XKR3: variants seen among roughly 807,000 people sequenced by gnomAD.
The protein encoded by XKR3 is XK related 3.
In XKR3, 27 loss-of-function variants were observed where a neutral mutation model predicts 40.3. That is an observed-to-expected ratio of 0.67 (90% CI 0.49 to 0.92). The LOEUF (loss-of-function observed/expected upper bound fraction) is 0.92, where lower values mean the gene tolerates loss of function less well. Among genes scored for constraint, XKR3 ranks in the 40% least tolerant of loss-of-function variants. The pLI, the probability that XKR3 is intolerant of heterozygous loss-of-function variation, is 0.00. For missense variants in XKR3, 472 were observed against 537.6 expected (o/e 0.88, Z 1.21); for synonymous variants, 193 against 195.4 (o/e 0.99, Z 0.10).
chr22:16,789,926 C>T (rs370246315), intron 3 of XKR3, among the ~76,000 whole-genome samples: 2,146 of 152,184 alleles, frequency 0.014, 26 homozygotes, highest in Middle Eastern at 0.031. Context: ...GAGCTACATG[C>T]AGAAAAACAA....
At chr22:16,805,632 C>A (rs1231773521) in intron 2 of XKR3, among the ~76,000 whole-genome samples, 2 of 152,102 alleles carry the variant, frequency 1.3e-5, no homozygotes, top group African/African-American at 4.8e-5. Context: ...CACAGCCAAA[C>A]AATTTTGCAA....
intron 3 of XKR3, among the ~76,000 whole-genome samples, chr22:16,787,769 T>C (rs1241395353): frequency 1.3e-5 from 2 of 151,812 alleles, no homozygotes; most frequent in Non-Finnish European, 2.9e-5. Flanking sequence ...AAAGACAGCA[T>C]ACAGAATTAA....
chr22:16,811,117 T>C (rs1196786244), intron 1 of XKR3, among the ~76,000 whole-genome samples: 1 of 145,042 alleles, frequency 6.9e-6, no homozygotes, highest in Non-Finnish European at 1.5e-5. Flanking sequence ...TTTCACTTTC[T>C]TCTTTTTTTT....
Position 16,817,989 on chromosome 22 carries a change from A to G in XKR3, c.-11+7302T>C, listed in dbSNP as rs866355471. On this transcript the variant is annotated intron_variant, in intron 1 of 3. Transcript: ENST00000684488. ...GCACTGCCAACTTTATTTTTTTTCC[A>G]AAGTGTATGGCAGGTATTTCATCTG... Among the ~76,000 whole-genome samples the G allele has an allele frequency of 1.6e-4, 24 of 152,188 alleles. No homozygotes were observed. In the Middle Eastern group the frequency reaches 0.01, roughly 65 times the overall value.
At chr22:16,804,630 C>T (rs1357929605) in intron 2 of XKR3, among the ~76,000 whole-genome samples, 1 of 152,020 alleles carries the variant, frequency 6.6e-6, no homozygotes, top group African/African-American at 2.4e-5. Flanking sequence ...TCAAAAGAAC[C>T]TTGGTCTCCA....
intron 1 of XKR3, among the ~76,000 whole-genome samples, chr22:16,821,220 G>GA (rs1001862681): frequency 2.8e-4 from 42 of 152,108 alleles, no homozygotes; most frequent in African/African-American, 9.6e-4. Flanking sequence ...GACCTTAACT[G>GA]AAAAAATGTA....
chr22:16,798,579 C>A (rs1204154242), intron 3 of XKR3, among the ~76,000 whole-genome samples: 1 of 152,150 alleles, frequency 6.6e-6, no homozygotes, highest in African/African-American at 2.4e-5. Context: ...ACTCAGGTGC[C>A]CATCAATGGT....
chr22:16,814,523 G>T (rs773836061), intron 1 of XKR3, among the ~76,000 whole-genome samples: 36 of 152,104 alleles, frequency 2.4e-4, no homozygotes, highest in Non-Finnish European at 3.2e-4. Flanking sequence ...AGCCACCTGG[G>T]ATTTGGTAGA....
At chr22:16,800,066 G>A in intron 2 of XKR3, 42 bp from the exon 3 acceptor site, 1 of 1,588,284 alleles carries the variant, frequency 6.3e-7, no homozygotes, top group Non-Finnish European at 8.6e-7. Flanking sequence ...ATTTATTGGT[G>A]ACAGACATCT....
At chr22:16,797,928 C>T (rs2060149420) in intron 3 of XKR3, among the ~76,000 whole-genome samples, 2 of 151,922 alleles carry the variant, frequency 1.3e-5, no homozygotes, top group Admixed American at 6.6e-5. Flanking sequence ...AATCCCAGCA[C>T]TTTGGGAGGC....
At chr22:16,823,030 C>T (rs1196943492) in intron 1 of XKR3, among the ~76,000 whole-genome samples, 1 of 152,050 alleles carries the variant, frequency 6.6e-6, no homozygotes, top group Non-Finnish European at 1.5e-5. Context: ...ACCACAGGTG[C>T]ATGCCACCAT....
At chr22:16,785,891 A>G (rs2060088360) in intron 3 of XKR3, among the ~76,000 whole-genome samples, 1 of 152,148 alleles carries the variant, frequency 6.6e-6, no homozygotes, top group African/African-American at 2.4e-5. Context: ...AACACTCTTC[A>G]TACACAATGA....
chr22:16,819,260 G>C (rs576710712), intron 1 of XKR3, among the ~76,000 whole-genome samples: 4 of 152,164 alleles, frequency 2.6e-5, no homozygotes, highest in Admixed American at 1.3e-4. Context: ...TCTCAAAAAG[G>C]ATTTTTTGAG....
At chr22:16,791,535 C>T (rs1213885004) in intron 3 of XKR3, among the ~76,000 whole-genome samples, 2 of 149,214 alleles carry the variant, frequency 1.3e-5, no homozygotes, top group Non-Finnish European at 2.9e-5. Flanking sequence ...ATTAATTGCT[C>T]TTACCAAAAT....
intron 3 of XKR3, among the ~76,000 whole-genome samples, chr22:16,787,048 T>C (rs114303878): frequency 0.043 from 6,474 of 151,636 alleles, 351 homozygotes; most frequent in African/African-American, 0.13. Flanking sequence ...AGCAAGGAGA[T>C]TGAAATAATG....
In XKR3 at chr22:16,821,938, T is replaced by G. The variant is rs551796708; in HGVS notation, c.-11+3353A>C. Among the ~76,000 whole-genome samples the G allele has an allele frequency of 1.3e-4, 20 of 152,200 alleles. No individual in the cohort carries two copies. In the East Asian group the frequency reaches 3.3e-3, roughly 25 times the overall value. On this transcript the variant is annotated intron_variant, in intron 1 of 3. Coordinates refer to ENST00000684488, the MANE Select transcript of XKR3 (RefSeq NM_001386955.1). ...GTTCTGGGCATTTATTTTTATTATT[T>G]TTTGCCACCTAATAAGAAATTTTAA...
chr22:16,784,182 A>G lies in XKR3; in HGVS notation c.817T>C (p.Phe273Leu). 1 of 1,614,230 alleles carries G rather than the reference A, an allele frequency of 6.2e-7. No individual in the cohort carries two copies. Among genetic ancestry groups the G allele is most frequent in the South Asian group, 1.1e-5 (1 of 91,080 alleles). The change falls in exon 4 of 4, where the codon TTT (phenylalanine) becomes CTT (leucine). Residue 273 changes from phenylalanine (F) to leucine (L), a missense_variant. Phe to Leu is a conservative substitution (Grantham distance 22). Transcript: ENST00000684488. Reference sequence around the variant, plus strand: ...AGCCACGGTGCCAACAATGATACAAAATATATGATTAACAAAACGGGTAGG... The same window carrying G: ...AGCCACGGTGCCAACAATGATACAAGATATATGATTAACAAAACGGGTAGG... ...KSLPVLLIIYFVSLLAPWLEF... is the reference protein window; with the variant it reads ...KSLPVLLIIYLVSLLAPWLEF...
rs1332171358 is a variant in XKR3 at position 16,815,111 on chromosome 22, T to C, written c.-10-7028A>G. On this transcript the variant is annotated intron_variant, in intron 1 of 3. Transcript: ENST00000684488. ...TTGGGGTTTGTGTAGATGCCTTTTT[T>C]CAGGCTGAGGTATTTTCTTTCTATT... is the stretch of plus-strand genomic sequence containing the variant. Among the ~76,000 whole-genome samples, 3 of 152,048 alleles carry C rather than the reference T, an allele frequency of 2.0e-5. No homozygotes were observed. The East Asian group carries it at 5.8e-4, about 29-fold the overall frequency.
At position 16,808,033 on chromosome 22, in the gene XKR3, C is replaced by G. The variant is rs760024866; in HGVS notation, c.41G>C (p.Gly14Ala). ...VFEEMDEESTGGVSSSKEEIV... is the reference protein window; with the variant it reads ...VFEEMDEESTAGVSSSKEEIV... ...TTCTTCTTTCGAAGATGAAACTCCTCCTGTGCTTTCTTCATCCATCTCTTC... is the reference window on the plus strand; with the variant it reads ...TTCTTCTTTCGAAGATGAAACTCCTGCTGTGCTTTCTTCATCCATCTCTTC... Residue 14 changes from glycine to alanine, a missense_variant, in exon 2 of 4, where the codon GGA (glycine) becomes GCA (alanine). Coordinates refer to ENST00000684488, the MANE Select transcript of XKR3 (RefSeq NM_001386955.1). The G allele has an allele frequency of 3.7e-6, 6 of 1,612,176 alleles. No individual in the cohort carries two copies. Among genetic ancestry groups the G allele is most frequent in the Non-Finnish European group, 5.1e-6 (6 of 1,179,268 alleles).
Sources: gnomAD v4.1 joint callset for allele counts (sites outside exome capture counted in the v4.1 genomes callset) on GRCh38, gnomAD v4.1.1 for gene constraint, MANE v1.5 for transcripts, NCBI Gene and HGNC (gene_info 2026-07-23, HGNC 2026-07-21) for gene names.